Variants in HGF observed in about 807,000 individuals in gnomAD.
The protein encoded by HGF is fibroblast-derived tumor cytotoxic factor.
A neutral mutation model predicts 111.6 loss-of-function variants in HGF; 39 were observed. The observed-to-expected ratio is 0.35, with a 90% confidence interval of 0.27 to 0.46. The LOEUF (loss-of-function observed/expected upper bound fraction) is 0.46, where lower values mean the gene tolerates loss of function less well. Ranked by LOEUF, HGF falls within the 20% of genes least tolerant of loss-of-function variation. HGF has a pLI of 1.00. For synonymous variants in HGF, 285 were observed against 294.8 expected (o/e 0.97, Z 0.34); for missense variants, 735 against 910.5 (o/e 0.81, Z 2.48).
In HGF at chr7:81,744,971, A is replaced by G. The variant is rs953710733; in HGVS notation, c.746+29T>C. The G allele has an allele frequency of 6.8e-6, 11 of 1,611,420 alleles. No individual in the cohort carries two copies. The African/African-American group carries it at 1.3e-4, about 20-fold the overall frequency. ...GTGAATAATAGTTTGTAAAAGAATC[A>G]CTGAAAGCATGATTCATTAATATTT... On this transcript the variant is annotated intron_variant, in intron 6 of 17. Coordinates refer to ENST00000222390, the MANE Select transcript of HGF (RefSeq NM_000601.6).
chr7:81,756,816 C>T (rs1562904980), intron 4 of HGF: 4 of 260,682 alleles, frequency 1.5e-5, no homozygotes, highest in South Asian at 4.7e-5. Flanking sequence ...GTTAAAGAAC[C>T]CTCAGCCCTC....
rs575430176 is a variant in HGF at position 81,725,868 on chromosome 7, C to A, written c.1168+22G>T. 2.5e-6 allele frequency: 4 copies of A among 1,613,830 alleles called. No homozygotes were observed. The East Asian group carries it at 8.9e-5, about 36-fold the overall frequency. Reference sequence around the variant, plus strand: ...TTCCCCTGAATTTAATCATGCCCACCCTGCAGAATGTCAGCTATTACCTTG... The same window carrying A: ...TTCCCCTGAATTTAATCATGCCCACACTGCAGAATGTCAGCTATTACCTTG... On this transcript the variant is annotated intron_variant, in intron 9 of 17. Transcript: ENST00000222390.
chr7:81,728,693 G>T (rs1402958491), intron 8 of HGF, among the ~76,000 whole-genome samples: 1 of 152,152 alleles, frequency 6.6e-6, no homozygotes, highest in East Asian at 1.9e-4. Flanking sequence ...ACTAGCTAAA[G>T]CTTGTGCATG....
At chr7:81,754,422 TGTA>T (rs1788660206) in intron 4 of HGF, among the ~76,000 whole-genome samples, 1 of 151,940 alleles carries the variant, frequency 6.6e-6, no homozygotes, top group Admixed American at 6.6e-5. Flanking sequence ...CCAGTGGATT[TGTA>T]AAGCCAAAAA....
rs76059173 is a variant in HGF, at chr7:81,716,145, A to T, written c.1405+1087T>A. ...GAAATGATTTTGCCCTCCAGGGGAC[A>T]TTGGCAATGTCTAGAGATAGTTTTG... On this transcript the variant is annotated intron_variant, in intron 11 of 17. Coordinates refer to ENST00000222390, the MANE Select transcript of HGF (RefSeq NM_000601.6). Among the ~76,000 whole-genome samples, 6 of 152,248 alleles carry T rather than the reference A, an allele frequency of 3.9e-5. No homozygotes were observed. In the East Asian group the frequency reaches 1.2e-3, roughly 29 times the overall value.
At chr7:81,710,035 A>C in intron 13 of HGF, 112 bp downstream of exon 13, 2 of 758,184 alleles carry the variant, frequency 2.6e-6, no homozygotes, top group Middle Eastern at 2.3e-4. Flanking sequence ...TGCCTCACCC[A>C]GGTGCCCTGT....
At chr7:81,708,135 G>A in intron 13 of HGF, among the ~76,000 whole-genome samples, 1 of 151,996 alleles carries the variant, frequency 6.6e-6, no homozygotes, top group Non-Finnish European at 1.5e-5. Context: ...GCTTCAGAGG[G>A]TAATACTAGA....
intron 7 of HGF, among the ~76,000 whole-genome samples, chr7:81,733,582 C>T (rs1285031555): frequency 4.6e-5 from 7 of 151,962 alleles, no homozygotes; most frequent in Non-Finnish European, 1.0e-4. Flanking sequence ...TATTTATTCC[C>T]TTTGACATTC....
intron 17 of HGF, among the ~76,000 whole-genome samples, chr7:81,704,449 AT>A (rs1789369592): frequency 1.3e-5 from 2 of 151,670 alleles, no homozygotes; most frequent in South Asian, 4.1e-4. Flanking sequence ...CAATGGTTTC[AT>A]TGTTCATGAT....
chr7:81,707,514 C>G, intron 13 of HGF, 150 bp from the exon 14 acceptor site: 2 of 640,368 alleles, frequency 3.1e-6, no homozygotes, highest in Non-Finnish European at 2.8e-6. Flanking sequence ...ATGAGAAGTT[C>G]TTTTATCTGA....
Position 81,720,770 on chromosome 7 carries a change from C to G in HGF, c.1246G>C (p.Asp416His). 6.2e-7 allele frequency: 1 copy of G among 1,611,466 alleles called. No individual in the cohort carries two copies. The change falls in exon 10 of 18, where the codon GAC (aspartate) becomes CAC (histidine). Residue 416 changes from aspartate (D) to histidine (H), a missense_variant. By Grantham distance (81) the Asp-to-His change is moderately conservative. Around this residue, in one of 3 missense-constraint regions of HGF, gnomAD observed 553 missense variants for 685.6 expected, o/e 0.81. Transcript: ENST00000222390. ...CGATGTAAGTCTTCCATGTTCTTGT[C>G]CCACATTGAACATGTTAGTCCAGAT... ...TRSGLTCSMW[D>H]KNMEDLHRHI...
chr7:81,718,069 A>G (rs1293047193), intron 10 of HGF, among the ~76,000 whole-genome samples: 2 of 152,202 alleles, frequency 1.3e-5, no homozygotes, highest in African/African-American at 2.4e-5. Context: ...TCAATTCTAC[A>G]TGGCCACTTT....
At chr7:81,768,630 C>T (rs1381427250) in intron 1 of HGF, among the ~76,000 whole-genome samples, 4 of 152,142 alleles carry the variant, frequency 2.6e-5, no homozygotes, top group Non-Finnish European at 5.9e-5. Flanking sequence ...CTGCCCGCCT[C>T]GGCCTCCCAA....
intron 11 of HGF, among the ~76,000 whole-genome samples, chr7:81,712,176 C>T (rs932024586): frequency 1.3e-5 from 2 of 152,094 alleles, no homozygotes; most frequent in Non-Finnish European, 2.9e-5. Flanking sequence ...CCAAGATGTC[C>T]AACATCCTAC....
chr7:81,745,260 C>T (rs1324346295), intron 5 of HGF, 140 bp from the exon 6 acceptor site: 3 of 809,490 alleles, frequency 3.7e-6, no homozygotes, highest in Admixed American at 2.0e-5. Flanking sequence ...TTTATTAGGG[C>T]CTAATGTCTA....
chr7:81,703,238 G>T (rs1789333235), intron 17 of HGF, among the ~76,000 whole-genome samples: 1 of 146,746 alleles, frequency 6.8e-6, no homozygotes, highest in Admixed American at 6.8e-5. Context: ...TATTTCTAAA[G>T]CTTTTTTTTT....
chr7:81,729,853 A>T lies in HGF; in HGVS notation c.866-74T>A. 4 of 1,414,830 alleles carry T rather than the reference A, an allele frequency of 2.8e-6. No homozygotes were observed. In the South Asian group the frequency reaches 4.8e-5, roughly 17 times the overall value. 87.6% of individuals were successfully genotyped at this position (1,414,830 alleles called of 1,614,324 possible). ...AGATGTCATTTGCCTCTTAGAGTTCATTGGCATTTGTATTAGCAGATTTTT... is the reference window on the plus strand; with the variant it reads ...AGATGTCATTTGCCTCTTAGAGTTCTTTGGCATTTGTATTAGCAGATTTTT... On this transcript the variant is annotated intron_variant, in intron 7 of 17. Coordinates refer to ENST00000222390, the MANE Select transcript of HGF (RefSeq NM_000601.6).
intron 7 of HGF, among the ~76,000 whole-genome samples, chr7:81,734,254 G>A (rs1055835035): frequency 1.3e-5 from 2 of 152,096 alleles, no homozygotes; most frequent in African/African-American, 4.8e-5. Flanking sequence ...TTTGCCAGGG[G>A]TATCAGCAGT....
rs765310926 is a variant in HGF, at chr7:81,758,686, A to C, written c.367+6T>G. On this transcript the variant is annotated splice_donor_region_variant and intron_variant, in intron 3 of 17. Coordinates refer to ENST00000222390, the MANE Select transcript of HGF (RefSeq NM_000601.6). ...ATTATGCAATATTTAGGGAGAAGTC[A>C]GTTACCTTTGTTTTCATAGAGGTCA... 6.7e-7 allele frequency: 1 copy of C among 1,487,038 alleles called. No individual in the cohort carries two copies. Among genetic ancestry groups the C allele is most frequent in the Non-Finnish European group, 9.4e-7 (1 of 1,065,108 alleles). 92.1% of individuals were successfully genotyped at this position (1,487,038 alleles called of 1,614,324 possible).
Sources: allele counts gnomAD v4.1 joint callset (sites outside exome capture counted in the v4.1 genomes callset), GRCh38; gene constraint gnomAD v4.1.1; regional missense constraint gnomAD v4.1.1; transcripts MANE v1.5; gene names NCBI Gene and HGNC (gene_info 2026-07-23, HGNC 2026-07-21).